Variants in BZW1 observed in about 807,000 individuals in gnomAD.
The protein encoded by BZW1 is basic leucine zipper and W2 domains 1, also known as eIF5-mimic protein 2.
In BZW1, 3 loss-of-function variants were observed where a neutral mutation model predicts 54.1. The ratio of observed to expected loss-of-function variants is 0.06; its 90% CI spans 0.03 to 0.14. The LOEUF (loss-of-function observed/expected upper bound fraction) is 0.14. Ranked by LOEUF, BZW1 falls within the 10% of genes least tolerant of loss-of-function variation. BZW1 has a pLI of 1.00. For missense variants in BZW1, 206 were observed against 491.7 expected, an observed-to-expected ratio of 0.42 and a Z score of 5.50; for synonymous variants, 152 against 162.7, an observed-to-expected ratio of 0.93 and a Z score of 0.50.
chr2:200,816,166 A>G (rs1405727080), intron 4 of BZW1, among the ~76,000 whole-genome samples, 159 bp from the exon 5 acceptor site: 2 of 152,266 alleles, frequency 1.3e-5, no homozygotes, highest in African/African-American at 4.8e-5. Context: ...CTGTAAGCAA[A>G]GAATTAAAGT....
Position 200,815,516 on chromosome 2 carries a change from G to A in BZW1, c.240G>A (p.Leu80=), listed in dbSNP as rs369272470. ...ACATTCTGGTGGCTGGTGGAATGCT[G>A]GGTAAGTGTCTGTGGTTTGTGGGCT... is the stretch of plus-strand genomic sequence containing the variant. ...LFDILVAGGM[L]APGGTLADDM... is the part of the protein sequence containing the mutation. The change falls in exon 3 of 12, where the codon CTG becomes CTA. Residue 80 remains leucine (L), a splice_region_variant and synonymous_variant. Transcript: ENST00000409600. The A allele has an allele frequency of 6.2e-7, 1 of 1,613,814 alleles. No homozygotes were observed. The highest frequency in any genetic ancestry group is 1.3e-5 in the African/African-American group (1 of 75,040).
chr2:200,826,403 AGATATTTTTTTTTTTTT>A lies in BZW1; in HGVS notation c.*4226_*4242del, dbSNP rs1172990448. On this transcript the variant is annotated 3_prime_UTR_variant, in exon 12 of 12. Transcript: ENST00000409600. ...TAGATAGATAGATAGATAGATAGAT[AGATATTTTTTTTTTTTT>A]TTTTTTTTTTTTTTTTTTTTTTGAG... The A allele has an allele frequency of 2.1e-3, 122 of 59,120 alleles. No homozygotes were observed. Among genetic ancestry groups the A allele is most frequent in the Admixed American group, 4.4e-3 (26 of 5,936 alleles). The allele number at this position is 59,120 out of a possible 1,614,324, so 3.7% of individuals were successfully genotyped here.
chr2:200,812,440 C>T (rs919248974), intron 1 of BZW1: 14 of 1,301,880 alleles, frequency 1.1e-5, no homozygotes, highest in Non-Finnish European at 1.4e-5. Flanking sequence ...CGGCGCAAAG[C>T]GCCTCAGTGA....
chr2:200,817,099 T>G lies in BZW1; in HGVS notation c.403-7T>G. The stretch of plus-strand genomic sequence containing the variant: ...GTTTTAACCCTTAATTGTTTTACTT[T>G]TTACAGCTGCTGCTGTTCTTGAAGG... On this transcript the variant is annotated splice_region_variant and splice_polypyrimidine_tract_variant and intron_variant, in intron 5 of 11. Transcript: ENST00000409600. The G allele has an allele frequency of 1.2e-6, 2 of 1,613,244 alleles. No homozygotes were observed. The highest frequency in any genetic ancestry group is 1.7e-6 in the Non-Finnish European group (2 of 1,179,678).
intron 5 of BZW1, among the ~76,000 whole-genome samples, 161 bp from the exon 6 acceptor site, chr2:200,816,945 C>T (rs1575052996): frequency 6.6e-6 from 1 of 152,106 alleles, no homozygotes; most frequent in South Asian, 2.1e-4. Flanking sequence ...GTAACTTGCC[C>T]GAGATCATTC....
intron 2 of BZW1, among the ~76,000 whole-genome samples, chr2:200,813,971 GTTTTTC>G (rs2105863707): frequency 6.6e-6 from 1 of 152,230 alleles, no homozygotes; most frequent in East Asian, 1.9e-4. Flanking sequence ...TATAAGTTGT[GTTTTTC>G]TTTTTCTTCC....
upstream of BZW1, chr2:200,811,773 C>T (rs972626899): frequency 1.3e-5 from 2 of 155,546 alleles, no homozygotes; most frequent in African/African-American, 4.8e-5. Context: ...CTCCCCTATC[C>T]CAGTCCCTCA....
At position 200,823,992 on chromosome 2, in the gene BZW1, C is replaced by G. The variant is rs1161684658; in HGVS notation, c.*1814C>G. 6.6e-6 allele frequency: 1 copy of G among 152,032 alleles called. No individual in the cohort carries two copies. The highest frequency in any genetic ancestry group is 1.5e-5 in the Non-Finnish European group (1 of 67,994). The allele number at this position is 152,032 out of a possible 1,614,324, so 9.4% of individuals were successfully genotyped here. ...CCACCTACACAGAATTCTGGTGTAG[C>G]TAAAACTACATTAATATTTCTACAA... is the stretch of plus-strand genomic sequence containing the variant. On this transcript the variant is annotated 3_prime_UTR_variant, in exon 12 of 12. Transcript: ENST00000409600.
At chr2:200,814,034 A>G (rs964073355) in intron 2 of BZW1, among the ~76,000 whole-genome samples, 3 of 152,204 alleles carry the variant, frequency 2.0e-5, no homozygotes, top group African/African-American at 4.8e-5. Context: ...TTTTAAAATC[A>G]CTAATCATAG....
chr2:200,812,640 T>A, intron 1 of BZW1: 2 of 1,266,096 alleles, frequency 1.6e-6, no homozygotes, highest in Non-Finnish European at 2.2e-6. Flanking sequence ...AGGCTAGGAC[T>A]GTGGGATATG....
At chr2:200,812,353 C>G (rs1301353355) in intron 1 of BZW1, 8 of 1,276,754 alleles carry the variant, frequency 6.3e-6, no homozygotes, top group Non-Finnish European at 6.9e-6. Flanking sequence ...GGGGCTGCCA[C>G]CCACCACCGC....
rs369945785 is a variant in BZW1, at chr2:200,821,317, C to T, written c.1228+12C>T. 1.1e-5 allele frequency: 17 copies of T among 1,612,610 alleles called. 1 individual carries two copies. In the African/African-American group the frequency reaches 2.3e-4, roughly 22 times the overall value. ...AAATGCTGAAGAAGGTAAGGATTTT[C>T]CTTTGTGTGGTTTGTTTGGTAAAGC... On this transcript the variant is annotated intron_variant, in intron 11 of 11. Coordinates refer to ENST00000409600, the MANE Select transcript of BZW1 (RefSeq NM_001207067.2).
intron 1 of BZW1, 121 bp from the exon 2 acceptor site, chr2:200,813,087 C>A: frequency 1.2e-6 from 1 of 802,158 alleles, no homozygotes; most frequent in Non-Finnish European, 2.1e-6. Context: ...TAATTGCCAG[C>A]TTTATATCCT....
rs2038500354 is a variant in BZW1, at chr2:200,821,320, TTG to T, written c.1228+20_1228+21del. 1.2e-6 allele frequency: 2 copies of T among 1,612,420 alleles called. No homozygotes were observed. The highest frequency in any genetic ancestry group is 1.3e-5 in the African/African-American group (1 of 74,896). ...TGCTGAAGAAGGTAAGGATTTTCCT[TTG>T]TGTGGTTTGTTTGGTAAAGCTAATT... On this transcript the variant is annotated intron_variant, in intron 11 of 11. Coordinates refer to ENST00000409600, the MANE Select transcript of BZW1 (RefSeq NM_001207067.2).
Position 200,822,340 on chromosome 2 carries a change from GT to G in BZW1, c.*164del. Reference sequence around the variant, plus strand: ...AACTGTTTCTATGGTTGCTGGAAATGTTGGGTTTAGTTTCTAAAACCATGTT... The same window carrying G: ...AACTGTTTCTATGGTTGCTGGAAATGTGGGTTTAGTTTCTAAAACCATGTT... On this transcript the variant is annotated 3_prime_UTR_variant, in exon 12 of 12. Transcript: ENST00000409600. The G allele has an allele frequency of 1.8e-6, 1 of 569,288 alleles. No homozygotes were observed. The highest frequency in any genetic ancestry group is 3.1e-5 in the East Asian group (1 of 32,282). 35.3% of individuals were successfully genotyped at this position (569,288 alleles called of 1,614,324 possible).
intron 10 of BZW1, 63 bp downstream of exon 10, chr2:200,820,183 T>C (rs1046895234): frequency 1.1e-5 from 15 of 1,348,644 alleles, no homozygotes; most frequent in Non-Finnish European, 1.4e-5. Context: ...CACAAAATTA[T>C]CCAAATGATG....
chr2:200,816,216 T>C (rs1559311173), intron 4 of BZW1, 109 bp from the exon 5 acceptor site: 1 of 670,700 alleles, frequency 1.5e-6, no homozygotes, highest in South Asian at 2.9e-5. Context: ...CTAGGAATTC[T>C]TCTCAAGCTG....
At chr2:200,821,128 T>A in intron 10 of BZW1, 55 bp from the exon 11 acceptor site, 1 of 1,586,434 alleles carries the variant, frequency 6.3e-7, no homozygotes, top group Non-Finnish European at 8.6e-7. Flanking sequence ...GTGGTGGTTC[T>A]AACGCTGAGT....
intron 2 of BZW1, among the ~76,000 whole-genome samples, chr2:200,814,602 A>G (rs1401708457): frequency 2.0e-5 from 3 of 152,306 alleles, no homozygotes; most frequent in African/African-American, 2.4e-5. Context: ...GGTATTTACA[A>G]CAACTTTATG....
Sources: allele counts gnomAD v4.1 joint callset (sites outside exome capture counted in the v4.1 genomes callset), GRCh38; gene constraint gnomAD v4.1.1; transcripts MANE v1.5; gene names NCBI Gene and HGNC (gene_info 2026-07-23, HGNC 2026-07-21).